Variants in OR1F1 observed in about 807,000 individuals in gnomAD.
The protein encoded by OR1F1 is olfactory receptor 1F1.
For missense variants in OR1F1, 493 were observed against 376.3 expected (o/e 1.31, Z -2.57); for synonymous variants, 184 against 156.7 (o/e 1.17, Z -1.30).
At chr16:3,189,623 G>C in the OR1F1 span, 1 of 152,206 alleles carries the variant, frequency 6.6e-6, no homozygotes, top group Admixed American at 6.5e-5. Flanking sequence ...ACCTTAATGC[G>C]TAAATCGTGT....
chr16:3,192,028 G>T, the OR1F1 span, among the ~76,000 whole-genome samples: 1 of 152,108 alleles, frequency 6.6e-6, no homozygotes, highest in Non-Finnish European at 1.5e-5. Context: ...CTTAGGATGC[G>T]AGAGGTCCCG....
At chr16:3,191,933 T>TA in the OR1F1 span, among the ~76,000 whole-genome samples, 1 of 152,198 alleles carries the variant, frequency 6.6e-6, no homozygotes, top group African/African-American at 2.4e-5. Flanking sequence ...GCTTGAGCTT[T>TA]ATCGCTCCAA....
chr16:3,191,503 C>G, the OR1F1 span, among the ~76,000 whole-genome samples: 1,399 of 152,274 alleles, frequency 9.2e-3, 14 homozygotes, highest in Non-Finnish European at 0.017. Context: ...CCAGGGAAGC[C>G]CGGCTAGCTC....
In OR1F1 at chr16:3,204,277, G is replaced by T. The variant is rs769008678; in HGVS notation, c.31G>T (p.Glu11Ter). The change falls in exon 1 of 1, where the codon GAG becomes TAG. Residue 11 changes from glutamate to a stop codon, truncating the protein, a stop_gained. Transcript: ENST00000304646. LOFTEE classifies it low-confidence loss of function (END_TRUNC). Reference sequence around the variant, plus strand: ...CGGGACAAACCAGTCGAGTGTCTCCGAGTTCCTCCTCCTGGGACTCTCCAG... The same window carrying T: ...CGGGACAAACCAGTCGAGTGTCTCCTAGTTCCTCCTCCTGGGACTCTCCAG... 13 of 1,611,864 alleles carry T rather than the reference G, an allele frequency of 8.1e-6. No homozygotes were observed. Among genetic ancestry groups the T allele is most frequent in the Non-Finnish European group, 1.1e-5 (13 of 1,178,594 alleles).
chr16:3,206,337 G>C (rs908894428), downstream of OR1F1, among the ~76,000 whole-genome samples: 1 of 152,146 alleles, frequency 6.6e-6, no homozygotes, highest in African/African-American at 2.4e-5. Flanking sequence ...CCCTTATCTG[G>C]AGGTTTTGAT....
the OR1F1 span, chr16:3,191,402 A>C: frequency 6.6e-6 from 1 of 152,186 alleles, no homozygotes; most frequent in African/African-American, 2.4e-5. Context: ...GGGGACCCCC[A>C]GTGTGCCCTG....
At chr16:3,198,163 GAGAGAGAC>G in the OR1F1 span, among the ~76,000 whole-genome samples, 1 of 151,210 alleles carries the variant, frequency 6.6e-6, no homozygotes. Flanking sequence ...GAGAGGGAGA[GAGAGAGAC>G]AGAGAGAGAG....
At chr16:3,192,294 C>A in the OR1F1 span, among the ~76,000 whole-genome samples, 1 of 152,208 alleles carries the variant, frequency 6.6e-6, no homozygotes, top group Non-Finnish European at 1.5e-5. Context: ...ACCTCGTGAT[C>A]CGCCCGCCTC....
At chr16:3,189,257 C>T in the OR1F1 span, among the ~76,000 whole-genome samples, 2 of 152,204 alleles carry the variant, frequency 1.3e-5, no homozygotes, top group African/African-American at 4.8e-5. Context: ...CCAAGGCGAG[C>T]TTGCAGTGAT....
chr16:3,197,118 C>T, the OR1F1 span, among the ~76,000 whole-genome samples: 8 of 151,912 alleles, frequency 5.3e-5, no homozygotes, highest in African/African-American at 1.9e-4. Context: ...TCAGGTGATC[C>T]GCTCTCCTCA....
At chr16:3,198,134 GGAGGGAGAGA>G in the OR1F1 span, among the ~76,000 whole-genome samples, 20,423 of 112,026 alleles carry the variant, frequency 0.18, 2,971 homozygotes, top group Non-Finnish European at 0.2. Context: ...AGAGGGAGAA[GGAGGGAGAGA>G]GAGGGAGAGA....
upstream of OR1F1, among the ~76,000 whole-genome samples, chr16:3,203,346 C>G (rs888669683): frequency 2.6e-5 from 4 of 152,202 alleles, no homozygotes; most frequent in African/African-American, 9.7e-5. Flanking sequence ...TCATGAGATA[C>G]TCAGCCTCAA....
chr16:3,192,199 G>A, the OR1F1 span, among the ~76,000 whole-genome samples: 25 of 152,210 alleles, frequency 1.6e-4, no homozygotes, highest in Non-Finnish European at 3.1e-4. Flanking sequence ...TGGGACTACA[G>A]GTGCCCGCCA....
chr16:3,200,379 G>A (rs913162428), upstream of OR1F1, among the ~76,000 whole-genome samples: 3 of 152,228 alleles, frequency 2.0e-5, no homozygotes, highest in Non-Finnish European at 4.4e-5. Flanking sequence ...GGCCGAGAGG[G>A]GCGGATCACT....
At chr16:3,200,404 C>T (rs1437893388), upstream of OR1F1, among the ~76,000 whole-genome samples, 2 of 152,142 alleles carry the variant, frequency 1.3e-5, no homozygotes, top group African/African-American at 4.8e-5. Flanking sequence ...CTCAGGAATT[C>T]GAGACCAGCC....
chr16:3,192,281 C>CTCT, the OR1F1 span, among the ~76,000 whole-genome samples: 6 of 137,878 alleles, frequency 4.4e-5, no homozygotes, highest in African/African-American at 2.1e-4. Flanking sequence ...TGGTCTTGAT[C>CTCT]TGACCTCGTG....
the OR1F1 span, among the ~76,000 whole-genome samples, chr16:3,189,101 T>C: frequency 6.6e-6 from 1 of 152,082 alleles, no homozygotes; most frequent in East Asian, 1.9e-4. Context: ...CTTTCTGGGT[T>C]TTGGCTTCCC....
chr16:3,206,095 A>G (rs923583552), downstream of OR1F1, among the ~76,000 whole-genome samples: 18 of 152,170 alleles, frequency 1.2e-4, no homozygotes, highest in African/African-American at 4.1e-4. Context: ...TGGGAGAGGA[A>G]TGCACTCCTC....
At chr16:3,194,656 A>G in the OR1F1 span, among the ~76,000 whole-genome samples, 3 of 152,314 alleles carry the variant, frequency 2.0e-5, no homozygotes, top group South Asian at 4.1e-4. Context: ...GAGAAAAAAG[A>G]TTCTAGTAAA....
Sources: gnomAD v4.1 joint callset for allele counts (sites outside exome capture counted in the v4.1 genomes callset) on GRCh38, gnomAD v4.1.1 for gene constraint, MANE v1.5 for transcripts, NCBI Gene and HGNC (gene_info 2026-07-23, HGNC 2026-07-21) for gene names.